PDE4D: variants seen among roughly 807,000 people sequenced by gnomAD.
The protein encoded by PDE4D is 3',5'-cyclic-AMP phosphodiesterase 4D.
Under a neutral mutation model 87.4 loss-of-function variants are expected in PDE4D, and 24 were observed. The observed-to-expected ratio is 0.27, with a 90% confidence interval of 0.20 to 0.39. The LOEUF (loss-of-function observed/expected upper bound fraction) is 0.39. Ranked by LOEUF, PDE4D falls within the 10% of genes least tolerant of loss-of-function variation. PDE4D has a pLI of 1.00. For missense variants in PDE4D, 714 were observed against 1,041.0 expected (o/e 0.69, Z 4.32); for synonymous variants, 384 against 383.2 (o/e 1.00, Z -0.02).
intron 1 of PDE4D, among the ~76,000 whole-genome samples, chr5:59,704,740 C>T (rs1753136220): frequency 6.6e-6 from 1 of 152,158 alleles, no homozygotes; most frequent in African/African-American, 2.4e-5. Flanking sequence ...TGTCCATGAA[C>T]AAGGCATTCA....
intron 1 of PDE4D, among the ~76,000 whole-genome samples, chr5:59,348,232 T>C (rs1311819636): frequency 6.6e-6 from 1 of 152,158 alleles, no homozygotes; most frequent in East Asian, 1.9e-4. Flanking sequence ...TCAAAACTCA[T>C]AACTTCTGAA....
intron 3 of PDE4D, among the ~76,000 whole-genome samples, chr5:59,953,233 G>A (rs985322115): frequency 1.3e-5 from 2 of 152,102 alleles, no homozygotes; most frequent in South Asian, 4.1e-4. Context: ...TCATGTTTAT[G>A]TGAGAAAAGT....
intron 1 of PDE4D, among the ~76,000 whole-genome samples, chr5:59,705,895 G>A (rs188767696): frequency 3.4e-4 from 52 of 152,276 alleles, no homozygotes; most frequent in African/African-American, 1.1e-3. Flanking sequence ...AAAGGGCAGT[G>A]CTCTGGAGTT....
Position 60,090,737 on chromosome 5 carries a change from A to G in PDE4D, c.42+94820T>C, listed in dbSNP as rs7726817. Among the ~76,000 whole-genome samples, 404 of 152,330 alleles carry G rather than the reference A, an allele frequency of 2.7e-3. 3 individuals carry two copies. Among genetic ancestry groups the G allele is most frequent in the African/African-American group, 9.3e-3 (387 of 41,592 alleles). On this transcript the variant is annotated intron_variant, in intron 2 of 16. Transcript: ENST00000502484. ...AAATTGGAAAAGAAAAAGTCAAACT[A>G]TCATTGTTCACAGATGACATGATCC...
intron 2 of PDE4D, among the ~76,000 whole-genome samples, chr5:60,075,809 A>G (rs1012929142): frequency 1.3e-5 from 2 of 152,118 alleles, no homozygotes; most frequent in African/African-American, 2.4e-5. Flanking sequence ...TGCTGTTAAT[A>G]CTTACAATTA....
At chr5:59,654,168 T>C (rs560514589) in intron 1 of PDE4D, among the ~76,000 whole-genome samples, 50 of 151,844 alleles carry the variant, frequency 3.3e-4, no homozygotes, top group African/African-American at 1.1e-3. Flanking sequence ...ATACTGCTAC[T>C]GAACTCAGCT....
intron 1 of PDE4D, chr5:60,429,843 T>TG (rs1438125718): frequency 5.8e-6 from 2 of 343,766 alleles, no homozygotes; most frequent in African/African-American, 4.3e-5. Flanking sequence ...AGTTTTTTTT[T>TG]TTTTGTTTTT....
At chr5:59,762,854 G>GAGATATAT (rs1554079481) in intron 1 of PDE4D, among the ~76,000 whole-genome samples, 1 of 51,690 alleles carries the variant, frequency 1.9e-5, no homozygotes, top group Admixed American at 2.1e-4. Context: ...ACTGCTTAAG[G>GAGATATAT]ATATATATAT....
At chr5:60,393,443 T>C (rs1180056862) in intron 1 of PDE4D, among the ~76,000 whole-genome samples, 2 of 152,234 alleles carry the variant, frequency 1.3e-5, no homozygotes, top group Non-Finnish European at 2.9e-5. Context: ...CTGCAAGATT[T>C]ATGAAGAAGA....
In PDE4D at chr5:60,372,215, T is replaced by C. The variant is rs112126806; in HGVS notation, c.-90+115727A>G. Among the ~76,000 whole-genome samples the C allele has an allele frequency of 2.4e-3, 359 of 152,012 alleles. 4 individuals carry two copies. The highest frequency in any genetic ancestry group is 8.4e-3 in the African/African-American group (349 of 41,568). On this transcript the variant is annotated intron_variant, in intron 1 of 16. Coordinates refer to the PDE4D transcript ENST00000502484. ...TACTGTAGATTTCATTTGCATTTCC[T>C]GCTGGCTAATGAAGTTGAGCCACCC...
chr5:59,606,004 A>C (rs1351602829), intron 1 of PDE4D, among the ~76,000 whole-genome samples: 2 of 152,074 alleles, frequency 1.3e-5, no homozygotes, highest in Non-Finnish European at 2.9e-5. Flanking sequence ...TTCAGGGAGA[A>C]CTATACTAAA....
intron 1 of PDE4D, among the ~76,000 whole-genome samples, chr5:59,763,343 A>T (rs1254610941): frequency 2.0e-5 from 3 of 151,376 alleles, no homozygotes; most frequent in African/African-American, 7.3e-5. Flanking sequence ...AATAAAAAAT[A>T]AAAAAAAATC....
chr5:60,354,663 T>C (rs749259691), intron 1 of PDE4D, among the ~76,000 whole-genome samples: 2 of 152,160 alleles, frequency 1.3e-5, no homozygotes, highest in Non-Finnish European at 2.9e-5. Context: ...CAATTGGAGG[T>C]TGGGGCATTC....
Position 58,988,573 on chromosome 5 carries a change from T to C in PDE4D, c.1472A>G (p.Glu491Gly). Residue 491 changes from glutamate to glycine, a missense_variant, in exon 11 of 15, where the codon GAG (glutamate) becomes GGG (glycine). Physicochemically the swap from Glu to Gly is moderately conservative, Grantham distance 98. Transcript: ENST00000340635. ...ACTGGCAAAAATTGCTGCAAGAATCTCCAAATCTGTAAACACAGCCTGGAA... is the reference window on the plus strand; with the variant it reads ...ACTGGCAAAAATTGCTGCAAGAATCCCCAAATCTGTAAACACAGCCTGGAA... The part of the protein sequence containing the change: ...PALEAVFTDL[E>G]ILAAIFASAI... The C allele has an allele frequency of 6.7e-7, 1 of 1,490,972 alleles. No individual in the cohort carries two copies. Among genetic ancestry groups the C allele is most frequent in the Non-Finnish European group, 9.0e-7 (1 of 1,109,496 alleles). 92.4% of individuals were successfully genotyped at this position (1,490,972 alleles called of 1,614,324 possible).
At position 59,998,790 on chromosome 5, in the gene PDE4D, G is replaced by C. The variant is rs552399663; in HGVS notation, c.43-10073C>G. Among the ~76,000 whole-genome samples the C allele has an allele frequency of 1.2e-4, 18 of 152,142 alleles. No homozygotes were observed. In the East Asian group the frequency reaches 3.3e-3, roughly 28 times the overall value. On this transcript the variant is annotated intron_variant, in intron 2 of 16. Coordinates refer to the PDE4D transcript ENST00000502484. ...CTTCAAATAATCAACAGAAAGTTTA[G>C]TGGAAAAATACAAAATTCCCTTAAA... is the stretch of plus-strand genomic sequence containing the variant.
intron 5 of PDE4D, chr5:59,125,306 T>A (rs1324747399): frequency 1.0e-6 from 1 of 983,020 alleles, no homozygotes; most frequent in Non-Finnish European, 1.2e-6. Context: ...CCATGGTAAT[T>A]TGGTCCACGA....
chr5:59,609,163 T>G (rs981692442), intron 1 of PDE4D, among the ~76,000 whole-genome samples: 1 of 152,010 alleles, frequency 6.6e-6, no homozygotes, highest in African/African-American at 2.4e-5. Context: ...AAGGCAGGAT[T>G]GGATGGGAAG....
At chr5:59,990,014 A>T (rs1182495338) in intron 2 of PDE4D, among the ~76,000 whole-genome samples, 72 of 152,256 alleles carry the variant, frequency 4.7e-4, no homozygotes, top group Non-Finnish European at 5.9e-5. Context: ...TGGGATTAGC[A>T]CTCATATATG....
intron 1 of PDE4D, among the ~76,000 whole-genome samples, chr5:59,260,970 G>A (rs2153535414): frequency 6.6e-6 from 1 of 151,398 alleles, no homozygotes; most frequent in South Asian, 2.1e-4. Flanking sequence ...ATAGTAAATG[G>A]GATGGGTTTT....
Sources: allele counts gnomAD v4.1 joint callset (sites outside exome capture counted in the v4.1 genomes callset), GRCh38; gene constraint gnomAD v4.1.1; transcripts MANE v1.5; gene names NCBI Gene and HGNC (gene_info 2026-07-23, HGNC 2026-07-21).